The following PPFIA1 variants were observed in gnomAD, a reference collection of about 807,000 sequenced individuals.
The protein encoded by PPFIA1 is PPFI scaffold protein A1.
Under a neutral mutation model 149.9 loss-of-function variants are expected in PPFIA1, and 25 were observed. That is an observed-to-expected ratio of 0.17 (90% CI 0.12 to 0.23). The LOEUF is 0.23. PPFIA1 is among the 10% of genes least tolerant of loss of function. The probability of loss-of-function intolerance (pLI) is 1.00; values close to 1 mark genes in which losing one functional copy is unlikely to be tolerated. For synonymous variants in PPFIA1, 549 were observed against 552.8 expected, an observed-to-expected ratio of 0.99 and a Z score of 0.10; for missense variants, 1,362 against 1,506.5, an observed-to-expected ratio of 0.90 and a Z score of 1.59.
In PPFIA1 at chr11:70,332,067, G is replaced by A; in HGVS notation, c.1185G>A (p.Leu395=). The change falls in exon 9 of 28, where the codon CTG becomes CTA. Residue 395 remains leucine (L), a synonymous_variant. Coordinates refer to ENST00000253925, the MANE Select transcript of PPFIA1 (RefSeq NM_003626.5). ...CGCTCCCGGAGGTGGAGGCGGAGCTGGCCCAGAGGGTGGCAGCGCTTTCCA... is the reference window on the plus strand; with the variant it reads ...CGCTCCCGGAGGTGGAGGCGGAGCTAGCCCAGAGGGTGGCAGCGCTTTCCA... ...AETLPEVEAE[L]AQRVAALSKA... is the part of the protein sequence containing the mutation. 6.2e-7 allele frequency: 1 copy of A among 1,610,176 alleles called. No homozygotes were observed. The highest frequency in any genetic ancestry group is 8.5e-7 in the Non-Finnish European group (1 of 1,178,482).
intron 2 of PPFIA1, among the ~76,000 whole-genome samples, chr11:70,301,857 C>T (rs1355647587): frequency 6.6e-6 from 1 of 152,204 alleles, no homozygotes; most frequent in East Asian, 1.9e-4. Flanking sequence ...ACGCAGTACG[C>T]AGCACATGAA....
intron 2 of PPFIA1, among the ~76,000 whole-genome samples, chr11:70,292,542 G>A (rs1326876395): frequency 6.6e-6 from 1 of 152,166 alleles, no homozygotes; most frequent in African/African-American, 2.4e-5. Context: ...AATCATTTGG[G>A]TATTTTTTAG....
At chr11:70,370,469 C>G (rs2057177467) in intron 21 of PPFIA1, among the ~76,000 whole-genome samples, 1 of 151,824 alleles carries the variant, frequency 6.6e-6, no homozygotes, top group African/African-American at 2.4e-5. Context: ...TCACTGCAAC[C>G]TCCACCTCCT....
chr11:70,369,884 G>A lies in PPFIA1; in HGVS notation c.2866-2331G>A, dbSNP rs564617287. On this transcript the variant is annotated intron_variant, in intron 21 of 27. Coordinates refer to ENST00000253925, the MANE Select transcript of PPFIA1 (RefSeq NM_003626.5). ...ACACCTGGACTCAAGCCATCCTCCT[G>A]CTTCAGCCTCCTGAGTAGCTGAAGT... 2.6e-5 allele frequency among the ~76,000 whole-genome samples: 4 copies of A among 151,726 alleles called. No homozygotes were observed. In the East Asian group the frequency reaches 7.7e-4, roughly 29 times the overall value.
chr11:70,303,505 A>C (rs1478540930), intron 2 of PPFIA1, among the ~76,000 whole-genome samples: 1 of 152,206 alleles, frequency 6.6e-6, no homozygotes, highest in Non-Finnish European at 1.5e-5. Flanking sequence ...TTTCTGGAGA[A>C]TTGCTTACCT....
chr11:70,301,223 A>G (rs536677621), intron 2 of PPFIA1, among the ~76,000 whole-genome samples: 1 of 152,290 alleles, frequency 6.6e-6, no homozygotes, highest in African/African-American at 2.4e-5. Flanking sequence ...GAACTAACAT[A>G]AAGTATCTAC....
chr11:70,379,686 G>A (rs748835008), intron 26 of PPFIA1, among the ~76,000 whole-genome samples: 1 of 151,620 alleles, frequency 6.6e-6, no homozygotes, highest in Non-Finnish European at 1.5e-5. Flanking sequence ...AGTCCCTCCC[G>A]TACGTAGGTT....
intron 2 of PPFIA1, among the ~76,000 whole-genome samples, chr11:70,317,555 T>C (rs2053707676): frequency 6.6e-6 from 1 of 152,234 alleles, no homozygotes; most frequent in Admixed American, 6.5e-5. Flanking sequence ...AAATTCCCTG[T>C]ATTCTCTTTG....
intron 2 of PPFIA1, among the ~76,000 whole-genome samples, chr11:70,272,720 C>T (rs763806560): frequency 6.6e-6 from 1 of 152,176 alleles, no homozygotes; most frequent in Non-Finnish European, 1.5e-5. Context: ...AAAAAGGGCT[C>T]TGAAGCAACC....
intron 11 of PPFIA1, among the ~76,000 whole-genome samples, chr11:70,336,729 G>C (rs916708285): frequency 6.6e-6 from 1 of 152,176 alleles, no homozygotes; most frequent in African/African-American, 2.4e-5. Flanking sequence ...CCTAGAATCT[G>C]TGTCGGAGAA....
At chr11:70,360,334 A>AT (rs2056574489) in intron 19 of PPFIA1, among the ~76,000 whole-genome samples, 1 of 152,266 alleles carries the variant, frequency 6.6e-6, no homozygotes, top group Non-Finnish European at 1.5e-5. Context: ...TTTGACAATT[A>AT]TTTTTATTTA....
At chr11:70,284,984 GTTAT>G (rs10560651) in intron 2 of PPFIA1, among the ~76,000 whole-genome samples, 32,991 of 151,654 alleles carry the variant, frequency 0.22, 5,440 homozygotes, top group African/African-American at 0.46. Flanking sequence ...TAGCTGCGTT[GTTAT>G]TTATTTATTT....
At chr11:70,317,252 A>G (rs1295389518) in intron 2 of PPFIA1, among the ~76,000 whole-genome samples, 6 of 152,014 alleles carry the variant, frequency 3.9e-5, no homozygotes, top group African/African-American at 7.3e-5. Flanking sequence ...TGGGGTTCCT[A>G]CTATTTTTTT....
Position 70,362,389 on chromosome 11 carries a change from G to T in PPFIA1, c.2766G>T (p.Glu922Asp). Residue 922 changes from glutamate (E) to aspartate (D), a missense_variant, in exon 21 of 28, where the codon GAG becomes GAT. Transcript: ENST00000253925. ...TGTCCGACACAGAGATCCAGCGTGA[G>T]ATTGGCATCAGCAACCCCCTGCACA... ...SALSDTEIQR[E>D]IGISNPLHRL... 1.2e-6 allele frequency: 2 copies of T among 1,614,222 alleles called. No homozygotes were observed. The highest frequency in any genetic ancestry group is 3.3e-5 in the Admixed American group (2 of 60,032).
intron 2 of PPFIA1, among the ~76,000 whole-genome samples, chr11:70,298,295 G>T (rs1349940261): frequency 1.3e-5 from 2 of 152,172 alleles, no homozygotes; most frequent in Non-Finnish European, 2.9e-5. Flanking sequence ...GAAGGCCTAT[G>T]CAGGAGGCAG....
chr11:70,317,270 A>G (rs1465744271), intron 2 of PPFIA1, among the ~76,000 whole-genome samples: 2 of 152,112 alleles, frequency 1.3e-5, no homozygotes, highest in Non-Finnish European at 2.9e-5. Context: ...TTTTTCTGCA[A>G]TAATAATGCA....
At chr11:70,380,469 C>T (rs112401763) in intron 26 of PPFIA1, among the ~76,000 whole-genome samples, 26,963 of 151,472 alleles carry the variant, frequency 0.18, 3,149 homozygotes, top group African/African-American at 0.32. Context: ...ACCAGCTACT[C>T]GGGAGGCTGG....
intron 15 of PPFIA1, among the ~76,000 whole-genome samples, chr11:70,346,639 G>A (rs917559277): frequency 7.2e-5 from 11 of 152,206 alleles, no homozygotes; most frequent in Admixed American, 2.6e-4. Context: ...CAGAAAGATC[G>A]TCTTTCCTCA....
chr11:70,346,453 A>C (rs2055712238), intron 15 of PPFIA1, among the ~76,000 whole-genome samples: 1 of 152,138 alleles, frequency 6.6e-6, no homozygotes, highest in Admixed American at 6.5e-5. Flanking sequence ...AAAAGAAAAA[A>C]ATAGGGCTGT....
Sources: allele counts gnomAD v4.1 joint callset (sites outside exome capture counted in the v4.1 genomes callset), GRCh38; gene constraint gnomAD v4.1.1; transcripts MANE v1.5; gene names NCBI Gene and HGNC (gene_info 2026-07-23, HGNC 2026-07-21).